Variants in RAB5C observed in about 807,000 individuals in gnomAD.
The protein encoded by RAB5C is ras-related protein Rab-5C.
In RAB5C, 4 loss-of-function variants were observed where a neutral mutation model predicts 25.2. The observed-to-expected ratio is 0.16, with a 90% CI of 0.08 to 0.36. RAB5C has a LOEUF of 0.36. Ranked by LOEUF, RAB5C falls within the 10% of genes least tolerant of loss-of-function variation. The pLI is 1.00. For synonymous variants in RAB5C, 100 were observed against 106.4 expected (o/e 0.94, Z 0.37); for missense variants, 199 against 283.8 (o/e 0.70, Z 2.15).
chr17:42,129,212 C>G (rs1446856959), intron 2 of RAB5C, among the ~76,000 whole-genome samples: 1 of 152,118 alleles, frequency 6.6e-6, no homozygotes, highest in Non-Finnish European at 1.5e-5. Flanking sequence ...ACCGCTCCAC[C>G]CCTCAGTTTG....
intron 1 of RAB5C, among the ~76,000 whole-genome samples, chr17:42,153,556 G>A (rs1331230346): frequency 4.6e-5 from 7 of 152,166 alleles, no homozygotes; most frequent in Admixed American, 4.6e-4. Flanking sequence ...AGTGGCAAGC[G>A]AGGGTGGTAA....
chr17:42,151,308 GCACCTGTAGTCC>G (rs1358579387), intron 1 of RAB5C, among the ~76,000 whole-genome samples: 4 of 152,072 alleles, frequency 2.6e-5, no homozygotes, highest in African/African-American at 9.7e-5. Flanking sequence ...GTGGTGGTGG[GCACCTGTAGTCC>G]CAACTACTCT....
Position 42,125,540 on chromosome 17 carries a change from CAGA to C in RAB5C, c.*240_*242del, listed in dbSNP as rs1374621736. The C allele has an allele frequency of 2.2e-5, 10 of 460,896 alleles. No homozygotes were observed. Among genetic ancestry groups the C allele is most frequent in the South Asian group, 5.7e-5 (2 of 34,840 alleles). 28.6% of individuals were successfully genotyped at this position (460,896 alleles called of 1,614,324 possible). On this transcript the variant is annotated 3_prime_UTR_variant, in exon 6 of 6. Transcript: ENST00000346213. ...TAGAAAGGGGAGGAAGTGGGAAGAG[CAGA>C]AGATCATATATATTAAAAAAGTGAC...
At position 42,130,573 on chromosome 17, in the gene RAB5C, G is replaced by A; in HGVS notation, c.-71C>T. 2 of 1,588,900 alleles carry A rather than the reference G, an allele frequency of 1.3e-6. No homozygotes were observed. The highest frequency in any genetic ancestry group is 1.7e-6 in the Non-Finnish European group (2 of 1,166,068). On this transcript the variant is annotated 5_prime_UTR_variant, in exon 2 of 6. Transcript: ENST00000346213. The stretch of plus-strand genomic sequence containing the variant: ...GGTGCTATGCAAAGAGGCACTTAGT[G>A]GGGAGGGGGACCTCCAACTGTAAGG...
chr17:42,126,072 A>G (rs926301653), intron 5 of RAB5C, among the ~76,000 whole-genome samples, 174 bp from the exon 6 acceptor site: 9 of 152,194 alleles, frequency 5.9e-5, no homozygotes, highest in Non-Finnish European at 8.8e-5. Context: ...GTAAGGTTAA[A>G]TAACTTGCCC....
chr17:42,138,652 G>A (rs1265218337), intron 1 of RAB5C, among the ~76,000 whole-genome samples: 1 of 152,208 alleles, frequency 6.6e-6, no homozygotes, highest in Non-Finnish European at 1.5e-5. Flanking sequence ...CTGAGGCTTA[G>A]TGCCTAGACT....
At chr17:42,131,502 C>A in intron 1 of RAB5C, 1 of 1,201,222 alleles carries the variant, frequency 8.3e-7, no homozygotes, top group Non-Finnish European at 1.2e-6. Context: ...AAACAGACAC[C>A]AAAACAAAAC....
chr17:42,129,092 C>T (rs2054459711), intron 2 of RAB5C, among the ~76,000 whole-genome samples: 1 of 152,102 alleles, frequency 6.6e-6, no homozygotes, highest in Non-Finnish European at 1.5e-5. Context: ...AAGAGCAACA[C>T]AGCAGGGGCA....
chr17:42,141,193 A>T (rs1419440918), intron 1 of RAB5C, among the ~76,000 whole-genome samples: 1 of 152,212 alleles, frequency 6.6e-6, no homozygotes, highest in Non-Finnish European at 1.5e-5. Flanking sequence ...AGCAATGAAT[A>T]GGTCTAAACA....
At chr17:42,130,008 G>T (rs1292549026) in intron 2 of RAB5C, among the ~76,000 whole-genome samples, 1 of 152,228 alleles carries the variant, frequency 6.6e-6, no homozygotes, top group Non-Finnish European at 1.5e-5. Flanking sequence ...TAGTAAGAAG[G>T]GGCCTCAAAG....
At chr17:42,150,642 C>A (rs2144102147) in intron 1 of RAB5C, among the ~76,000 whole-genome samples, 1 of 144,674 alleles carries the variant, frequency 6.9e-6, no homozygotes, top group Non-Finnish European at 1.5e-5. Context: ...GGGCAGATCA[C>A]CTCACCTGAG....
intron 1 of RAB5C, among the ~76,000 whole-genome samples, chr17:42,151,373 C>T (rs545291807): frequency 8.6e-5 from 13 of 151,636 alleles, no homozygotes; most frequent in Non-Finnish European, 1.2e-4. Flanking sequence ...GGAGGCGGAG[C>T]TTGCAGTGAG....
rs199945678 is a variant in RAB5C at position 42,130,362 on chromosome 17, G to A, written c.141C>T (p.His47=). The A allele has an allele frequency of 1.9e-5, 30 of 1,612,652 alleles. No homozygotes were observed. In the East Asian group the frequency reaches 2.5e-4, roughly 13 times the overall value. ...CTCCAATTGTGCTCTCCTGGTACTC[G>A]TGAAACTGTCCCTTGACAAAGCGGA... is the stretch of plus-strand genomic sequence containing the variant. ...LVLRFVKGQF[H]EYQESTIGAA... is the part of the protein sequence containing the mutation. The change falls in exon 2 of 6, where the codon CAC becomes CAT. Residue 47 remains histidine, a synonymous_variant. Transcript: ENST00000346213.
At chr17:42,132,835 C>G (rs1429502245) in intron 1 of RAB5C, among the ~76,000 whole-genome samples, 1 of 152,118 alleles carries the variant, frequency 6.6e-6, no homozygotes, top group African/African-American at 2.4e-5. Context: ...ACGACAACCT[C>G]CATTTTTCAG....
chr17:42,138,749 G>A (rs2144080364), intron 1 of RAB5C, among the ~76,000 whole-genome samples: 1 of 152,348 alleles, frequency 6.6e-6, no homozygotes, highest in Non-Finnish European at 1.5e-5. Context: ...AGGGGCCAGT[G>A]TGCAGAGGCA....
At chr17:42,151,083 C>G (rs1314038043) in intron 1 of RAB5C, among the ~76,000 whole-genome samples, 6 of 152,300 alleles carry the variant, frequency 3.9e-5, no homozygotes. Context: ...GTCCAACTGC[C>G]TCTGAAGTTC....
At position 42,128,682 on chromosome 17, in the gene RAB5C, C is replaced by G; in HGVS notation, c.285G>C (p.Gln95His). The G allele has an allele frequency of 6.6e-7, 1 of 1,511,262 alleles. No individual in the cohort carries two copies. The highest frequency in any genetic ancestry group is 8.8e-7 in the Non-Finnish European group (1 of 1,132,252). 93.6% of individuals were successfully genotyped at this position (1,511,262 alleles called of 1,614,324 possible). A position where few individuals can be genotyped will look rare whatever the true frequency, so the allele number is the denominator to read the frequency against. The change falls in exon 3 of 6, where the codon CAG (glutamine) becomes CAC (histidine). Residue 95 changes from glutamine (Q) to histidine (H), a missense_variant. Physicochemically the swap from Gln to His is conservative, Grantham distance 24. Around this residue, in one of 3 missense-constraint regions of RAB5C, gnomAD observed 154 missense variants for 199.6 expected, o/e 0.77. Transcript: ENST00000346213. ...SLAPMYYRGA[Q>H]AAIVVYDITN... ...TGATGTCATAGACCACGATGGCAGC[C>G]TGGGCCCCCCGATAGTACATGGGGG... is the stretch of plus-strand genomic sequence containing the variant.
intron 3 of RAB5C, 119 bp downstream of exon 3, chr17:42,128,530 T>TGGGGGGGGGGGG (rs2144062118): frequency 5.5e-6 from 4 of 730,784 alleles, no homozygotes; most frequent in South Asian, 3.8e-5. Flanking sequence ...ACAGGAAATC[T>TGGGGGGGGGGGG]GCCCACCCCC....
intron 1 of RAB5C, among the ~76,000 whole-genome samples, chr17:42,133,752 G>A (rs2054509319): frequency 6.6e-6 from 1 of 152,220 alleles, no homozygotes; most frequent in African/African-American, 2.4e-5. Flanking sequence ...CTAATATGGG[G>A]CACACCAGGG....
Sources: gnomAD v4.1 joint callset for allele counts (sites outside exome capture counted in the v4.1 genomes callset) on GRCh38, gnomAD v4.1.1 for gene constraint, gnomAD v4.1.1 regional missense constraint, MANE v1.5 for transcripts, NCBI Gene and HGNC (gene_info 2026-07-23, HGNC 2026-07-21) for gene names.